PCLO: variants seen among roughly 807,000 people sequenced by gnomAD.
PCLO encodes piccolo presynaptic cytomatrix protein, also known as protein piccolo.
PCLO carries 82 observed loss-of-function variants against 427.5 expected under a neutral mutation model. The observed-to-expected ratio is 0.19, with a 90% CI of 0.16 to 0.23. PCLO has a LOEUF of 0.23. Ranked by LOEUF, PCLO falls within the 10% of genes least tolerant of loss-of-function variation. The pLI is 1.00. For synonymous variants in PCLO, 2,357 were observed against 2,155.4 expected (o/e 1.09, Z -2.59); for missense variants, 6,239 against 6,115.9 (o/e 1.02, Z -0.67).
rs75595158 is a variant in PCLO at position 83,013,147 on chromosome 7, T to C, written c.3301-46660A>G. ...TAAATAAAAGTGAATATGGCACTTA[T>C]AATAAAAATAAAAATCACATGTGAG... On this transcript the variant is annotated intron_variant, in intron 3 of 24. Coordinates refer to ENST00000333891, the MANE Select transcript of PCLO (RefSeq NM_033026.6). 6.3e-4 allele frequency among the ~76,000 whole-genome samples: 96 copies of C among 152,212 alleles called. 2 individuals are homozygous for C. In the East Asian group the frequency reaches 0.015, roughly 25 times the overall value.
chr7:82,979,806 C>T, intron 3 of PCLO, among the ~76,000 whole-genome samples: 1 of 152,126 alleles, frequency 6.6e-6, no homozygotes, highest in Middle Eastern at 3.2e-3. Context: ...GAAAGTCACA[C>T]TGGCAAAAAT....
chr7:83,111,451 C>T (rs757541235), intron 3 of PCLO, among the ~76,000 whole-genome samples: 50 of 152,212 alleles, frequency 3.3e-4, no homozygotes, highest in Non-Finnish European at 6.6e-4. Flanking sequence ...GGAGCCCTTT[C>T]TCCAGTGAGG....
chr7:82,996,446 G>A (rs1036193214), intron 3 of PCLO, among the ~76,000 whole-genome samples: 2 of 151,934 alleles, frequency 1.3e-5, no homozygotes, highest in African/African-American at 2.4e-5. Flanking sequence ...TTAGGTTACC[G>A]TGTCAGCACT....
chr7:82,973,304 T>C (rs1445835765), intron 3 of PCLO, among the ~76,000 whole-genome samples: 1 of 152,154 alleles, frequency 6.6e-6, no homozygotes, highest in Non-Finnish European at 1.5e-5. Context: ...GCAGCTTCAT[T>C]CATATTTTGT....
intron 19 of PCLO, among the ~76,000 whole-genome samples, chr7:82,823,945 ATC>A (rs899236547): frequency 6.6e-5 from 10 of 152,152 alleles, no homozygotes; most frequent in African/African-American, 2.4e-4. Context: ...ATTTTCTGAA[ATC>A]ATGTTATCAT....
chr7:83,144,051 C>G (rs911953520), intron 2 of PCLO, among the ~76,000 whole-genome samples: 1 of 152,200 alleles, frequency 6.6e-6, no homozygotes, highest in African/African-American at 2.4e-5. Context: ...AGCAGCATAT[C>G]TTTAAATCAG....
intron 10 of PCLO, among the ~76,000 whole-genome samples, chr7:82,874,899 A>G (rs920629122): frequency 3.3e-5 from 5 of 152,212 alleles, no homozygotes; most frequent in African/African-American, 1.2e-4. Context: ...ATTGCTGAAC[A>G]TCTCACAGCC....
intron 22 of PCLO, among the ~76,000 whole-genome samples, chr7:82,774,592 T>C (rs1260400486): frequency 7.9e-5 from 12 of 152,294 alleles, no homozygotes; most frequent in Non-Finnish European, 1.3e-4. Context: ...AGATTGGTTT[T>C]AGAGCAGTTT....
chr7:82,947,229 G>A (rs1469932937), intron 6 of PCLO, among the ~76,000 whole-genome samples: 1 of 152,040 alleles, frequency 6.6e-6, no homozygotes, highest in African/African-American at 2.4e-5. Context: ...GATTGATTCA[G>A]AATCTGACAG....
chr7:82,891,704 C>T (rs6967792), intron 9 of PCLO, among the ~76,000 whole-genome samples: 44,312 of 151,738 alleles, frequency 0.29, 7,270 homozygotes, highest in East Asian at 0.6. Flanking sequence ...TTTTGAGATA[C>T]GTCCCATCAA....
intron 3 of PCLO, among the ~76,000 whole-genome samples, chr7:83,133,347 T>A (rs1791621819): frequency 6.6e-6 from 1 of 152,052 alleles, no homozygotes. Flanking sequence ...TTCAGATTAA[T>A]TCCCAGACTG....
intron 3 of PCLO, among the ~76,000 whole-genome samples, chr7:82,982,861 T>A (rs1024579156): frequency 2.6e-5 from 4 of 152,026 alleles, no homozygotes; most frequent in Non-Finnish European, 5.9e-5. Flanking sequence ...CAATTAACCT[T>A]TATGCTCCCA....
chr7:82,831,882 T>A (rs1792101619), intron 16 of PCLO, among the ~76,000 whole-genome samples: 1 of 152,182 alleles, frequency 6.6e-6, no homozygotes, highest in Admixed American at 6.5e-5. Flanking sequence ...GATCATATCA[T>A]ACACAATTTC....
At position 82,958,256 on chromosome 7, in the gene PCLO, C is replaced by T. The variant is rs114170346; in HGVS notation, c.4018-1321G>A. Among the ~76,000 whole-genome samples the T allele has an allele frequency of 9.6e-3, 1,465 of 152,086 alleles. 28 individuals carry two copies. Among genetic ancestry groups the T allele is most frequent in the African/African-American group, 0.032 (1,313 of 41,476 alleles). On this transcript the variant is annotated intron_variant, in intron 4 of 24. Transcript: ENST00000333891. ...ACTATGGCCCAAGTAAACAGATGTA[C>T]GGTTGCACAACAAACATACTCCTTC...
rs1790331163 is a variant in PCLO, at chr7:82,756,954, A to G, written c.*1621T>C. On this transcript the variant is annotated 3_prime_UTR_variant, in exon 25 of 25. Transcript: ENST00000333891. Reference sequence around the variant, plus strand: ...CATTGGTTTAGATGATGTTTTTCACATATAAAATTTGAGAATTAAAAAGAT... The same window carrying G: ...CATTGGTTTAGATGATGTTTTTCACGTATAAAATTTGAGAATTAAAAAGAT... The G allele has an allele frequency of 6.6e-6, 1 of 151,450 alleles. No individual in the cohort carries two copies. The highest frequency in any genetic ancestry group is 2.1e-4 in the South Asian group (1 of 4,818). The allele number at this position is 151,450 out of a possible 1,614,324, so 9.4% of individuals were successfully genotyped here. A position where few individuals can be genotyped will look rare whatever the true frequency, so the allele number is the denominator to read the frequency against.
chr7:82,848,748 A>G, intron 10 of PCLO: 1 of 194,682 alleles, frequency 5.1e-6, no homozygotes. Flanking sequence ...ATATATTAGA[A>G]AGCATATTAC....
At chr7:83,068,952 T>C (rs1361381980) in intron 3 of PCLO, among the ~76,000 whole-genome samples, 1 of 152,138 alleles carries the variant, frequency 6.6e-6, no homozygotes, top group Non-Finnish European at 1.5e-5. Context: ...TGAAACATTA[T>C]TCAGTGCAAA....
At chr7:82,854,739 C>T (rs1191395322) in intron 10 of PCLO, among the ~76,000 whole-genome samples, 1 of 152,044 alleles carries the variant, frequency 6.6e-6, no homozygotes, top group Non-Finnish European at 1.5e-5. Flanking sequence ...TTTTAAATCG[C>T]TCAGAGTTAG....
At chr7:82,968,249 C>T (rs1280504261) in intron 3 of PCLO, among the ~76,000 whole-genome samples, 1 of 152,090 alleles carries the variant, frequency 6.6e-6, no homozygotes. Context: ...TATAATCACT[C>T]AATATCAATT....
Sources: allele counts gnomAD v4.1 joint callset (sites outside exome capture counted in the v4.1 genomes callset), GRCh38; gene constraint gnomAD v4.1.1; transcripts MANE v1.5; gene names NCBI Gene and HGNC (gene_info 2026-07-23, HGNC 2026-07-21).